The following IFI16 variants were observed in gnomAD, a reference collection of about 807,000 sequenced individuals.
IFI16 encodes gamma-interferon-inducible protein 16.
IFI16 carries 49 observed loss-of-function variants against 68.4 expected under a neutral mutation model. That is an observed-to-expected ratio of 0.72 (90% CI 0.57 to 0.91). IFI16 has a LOEUF of 0.91. Among genes scored for constraint, IFI16 ranks in the 40% least tolerant of loss-of-function variants. The probability of loss-of-function intolerance (pLI) is 0.00; values close to 1 mark genes in which losing one functional copy is unlikely to be tolerated. For synonymous variants in IFI16, 307 were observed against 315.0 expected (o/e 0.97, Z 0.27); for missense variants, 878 against 942.9 (o/e 0.93, Z 0.90).
intron 6 of IFI16, among the ~76,000 whole-genome samples, chr1:159,022,512 C>T (rs1359559880): frequency 6.6e-6 from 1 of 152,176 alleles, no homozygotes; most frequent in African/African-American, 2.4e-5. Context: ...GGGACCTCAC[C>T]TTCTGTATTT....
intron 7 of IFI16, among the ~76,000 whole-genome samples, chr1:159,036,102 A>G (rs1160162410): frequency 6.6e-6 from 1 of 152,192 alleles, no homozygotes; most frequent in Admixed American, 6.5e-5. Context: ...GAACACACAT[A>G]CAAATCCCTG....
rs150391185 is a variant in IFI16, at chr1:159,024,931, C to G, written c.1161+4402C>G. Among the ~76,000 whole-genome samples the G allele has an allele frequency of 2.1e-3, 320 of 152,066 alleles. 1 individual carries two copies. Among genetic ancestry groups the G allele is most frequent in the African/African-American group, 7.3e-3 (305 of 41,512 alleles). ...CAAATATGATGGGTCCATTCTTTCTCAGCTGTGCGGACGGCGGTCTCAGTG... is the reference window on the plus strand; with the variant it reads ...CAAATATGATGGGTCCATTCTTTCTGAGCTGTGCGGACGGCGGTCTCAGTG... On this transcript the variant is annotated intron_variant, in intron 6 of 11. Coordinates refer to ENST00000295809, the MANE Select transcript of IFI16 (RefSeq NM_001376587.1).
At chr1:159,041,620 T>G (rs1178020674) in intron 7 of IFI16, among the ~76,000 whole-genome samples, 1 of 152,112 alleles carries the variant, frequency 6.6e-6, no homozygotes, top group Non-Finnish European at 1.5e-5. Flanking sequence ...GAAAATGACA[T>G]TAAGTGGTCT....
intron 9 of IFI16, among the ~76,000 whole-genome samples, chr1:159,049,970 T>C (rs1655242905): frequency 6.6e-6 from 1 of 152,170 alleles, no homozygotes; most frequent in African/African-American, 2.4e-5. Context: ...ACTCAAACAA[T>C]ATGTTTAAAA....
intron 7 of IFI16, among the ~76,000 whole-genome samples, chr1:159,040,566 A>G (rs866872027): frequency 2.6e-5 from 4 of 152,358 alleles, no homozygotes; most frequent in Admixed American, 6.5e-5. Flanking sequence ...TTCCATTAAT[A>G]CATGTGGCAT....
chr1:159,025,049 C>T (rs532443104), intron 6 of IFI16, among the ~76,000 whole-genome samples: 89 of 151,704 alleles, frequency 5.9e-4, no homozygotes, highest in African/African-American at 1.7e-3. Context: ...CAGGCTGGTG[C>T]TGGTGTACTG....
chr1:159,016,031 A>T (rs1157327467), intron 3 of IFI16, 44 bp downstream of exon 3: 1 of 1,276,784 alleles, frequency 7.8e-7, no homozygotes, highest in East Asian at 2.3e-5. Context: ...CCACAGAGGA[A>T]GCTCTGCTAC....
intron 6 of IFI16, among the ~76,000 whole-genome samples, chr1:159,028,059 G>A (rs1018098812): frequency 2.0e-4 from 31 of 151,596 alleles, no homozygotes; most frequent in African/African-American, 6.8e-4. Context: ...TGCTGCATTC[G>A]TGTTTGGTTT....
intron 7 of IFI16, among the ~76,000 whole-genome samples, chr1:159,039,754 C>T (rs1360078676): frequency 1.3e-5 from 2 of 152,192 alleles, no homozygotes; most frequent in South Asian, 2.1e-4. Context: ...AAAGTCTTCT[C>T]AAGACTTGAA....
At chr1:159,011,158 C>T (rs768201600) in intron 1 of IFI16, among the ~76,000 whole-genome samples, 2 of 152,010 alleles carry the variant, frequency 1.3e-5, no homozygotes, top group Non-Finnish European at 2.9e-5. Flanking sequence ...CCAAGGCGAG[C>T]GGATCACTTG....
chr1:159,009,639 GA>G (rs559738986), upstream of IFI16, among the ~76,000 whole-genome samples: 1,008 of 152,062 alleles, frequency 6.6e-3, 6 homozygotes, highest in African/African-American at 0.016. Context: ...AATTTTGTAA[GA>G]AAAAAAACTT....
Position 159,045,862 on chromosome 1 carries a change from A to C in IFI16, c.1497+398A>C, listed in dbSNP as rs577625104. Among the ~76,000 whole-genome samples, 7 of 151,336 alleles carry C rather than the reference A, an allele frequency of 4.6e-5. No individual in the cohort carries two copies. In the South Asian group the frequency reaches 1.5e-3, roughly 31 times the overall value. The stretch of plus-strand genomic sequence containing the variant: ...CCATCTTTAAAAATTTAGGAAAAGA[A>C]GGTACATAAGCAAAAATAATTAATT... On this transcript the variant is annotated intron_variant, in intron 8 of 11. Transcript: ENST00000295809.
chr1:159,012,433 A>G (rs576751543), intron 1 of IFI16, among the ~76,000 whole-genome samples: 1 of 152,338 alleles, frequency 6.6e-6, no homozygotes, highest in East Asian at 1.9e-4. Flanking sequence ...CTCCAAAATC[A>G]AAAGCACTAA....
chr1:159,013,060 T>C (rs1181009068), intron 1 of IFI16, among the ~76,000 whole-genome samples: 1 of 152,090 alleles, frequency 6.6e-6, no homozygotes, highest in Non-Finnish European at 1.5e-5. Flanking sequence ...TTTTTGTTCA[T>C]TATATTCTTC....
upstream of IFI16, among the ~76,000 whole-genome samples, chr1:159,005,119 C>T (rs540697215): frequency 2.8e-4 from 42 of 152,242 alleles, no homozygotes; most frequent in African/African-American, 1.0e-3. Context: ...GAATTCGCCC[C>T]GTTTGTCATG....
chr1:159,041,953 A>C (rs1654673680), intron 7 of IFI16, among the ~76,000 whole-genome samples: 1 of 152,228 alleles, frequency 6.6e-6, no homozygotes, highest in African/African-American at 2.4e-5. Context: ...TACTGGCTTA[A>C]AAGGGACATG....
intron 10 of IFI16, 80 bp downstream of exon 10, chr1:159,052,178 G>A (rs375173853): frequency 1.8e-6 from 2 of 1,141,218 alleles, no homozygotes; most frequent in Non-Finnish European, 2.5e-6. Context: ...CTGGAGTTTG[G>A]TCAACTTACT....
upstream of IFI16, among the ~76,000 whole-genome samples, chr1:159,003,511 T>C (rs187780849): frequency 1.9e-3 from 282 of 152,260 alleles, no homozygotes; most frequent in Admixed American, 3.3e-3. Flanking sequence ...TCTTTTGTGA[T>C]TCTTAGGCTG....
chr1:159,049,577 C>A lies in IFI16; in HGVS notation c.1643C>A (p.Pro548Gln). The change falls in exon 9 of 12, where the codon CCA (proline) becomes CAA (glutamine). Residue 548 changes from proline (P) to glutamine (Q), a missense_variant. Transcript: ENST00000295809. ...PHTPQMPPST[P>Q]SSSFLTTLKP... is the part of the protein sequence containing the mutation. ...ACTCCTCAGATGCCTCCATCAACAC[C>A]AAGCAGCAGTTTCTTAACCACGGTA... The A allele has an allele frequency of 6.2e-7, 1 of 1,602,038 alleles. No individual in the cohort carries two copies. Among genetic ancestry groups the A allele is most frequent in the South Asian group, 1.1e-5 (1 of 89,008 alleles).
Sources: gnomAD v4.1 joint callset for allele counts (sites outside exome capture counted in the v4.1 genomes callset) on GRCh38, gnomAD v4.1.1 for gene constraint, MANE v1.5 for transcripts, NCBI Gene and HGNC (gene_info 2026-07-23, HGNC 2026-07-21) for gene names.